The following MARCHF4 variants were observed in gnomAD, a reference collection of about 807,000 sequenced individuals.
The protein encoded by MARCHF4 is E3 ubiquitin-protein ligase MARCHF4.
In MARCHF4, 14 loss-of-function variants were observed where a neutral mutation model predicts 43.9. That is an observed-to-expected ratio of 0.32 (90% confidence interval 0.21 to 0.50). MARCHF4 has a LOEUF of 0.50. Ranked by LOEUF, MARCHF4 falls within the 20% of genes least tolerant of loss-of-function variation. The pLI is 0.98. For synonymous variants in MARCHF4, 226 were observed against 213.3 expected (o/e 1.06, Z -0.52); for missense variants, 468 against 536.7 (o/e 0.87, Z 1.27).
rs773915857 is a variant in MARCHF4 at position 216,277,662 on chromosome 2, C to T, written c.865+10G>A. The T allele has an allele frequency of 1.3e-6, 2 of 1,592,008 alleles. No homozygotes were observed. Among genetic ancestry groups the T allele is most frequent in the Admixed American group, 1.7e-5 (1 of 59,398 alleles). ...CCCCACTTCCCATGGAGACAAACCC[C>T]CAGACCCACCTATGCACACCACGTC... On this transcript the variant is annotated intron_variant, in intron 3 of 3. Transcript: ENST00000273067.
intron 1 of MARCHF4, among the ~76,000 whole-genome samples, chr2:216,297,843 A>G (rs1353197068): frequency 6.6e-6 from 1 of 152,188 alleles, no homozygotes; most frequent in Non-Finnish European, 1.5e-5. Context: ...TTGGTTGAGC[A>G]CTGACTCTTA....
intron 1 of MARCHF4, among the ~76,000 whole-genome samples, chr2:216,293,337 G>A (rs1691340502): frequency 6.6e-6 from 1 of 152,018 alleles, no homozygotes; most frequent in Admixed American, 6.6e-5. Context: ...AGGAAATAAG[G>A]CATTGTTGCA....
At chr2:216,262,063 T>C (rs1391775263) in intron 3 of MARCHF4, among the ~76,000 whole-genome samples, 1 of 152,214 alleles carries the variant, frequency 6.6e-6, no homozygotes, top group Non-Finnish European at 1.5e-5. Flanking sequence ...AATCAGGTAG[T>C]TCTCATCCAA....
At chr2:216,310,096 A>T (rs1559095791) in intron 1 of MARCHF4, among the ~76,000 whole-genome samples, 1 of 13,318 alleles carries the variant, frequency 7.5e-5, no homozygotes, top group Non-Finnish European at 1.3e-4. Flanking sequence ...CTGGGCCTAG[A>T]TGAGACCCTG....
chr2:216,302,249 C>T (rs1267323959), intron 1 of MARCHF4, among the ~76,000 whole-genome samples: 7 of 151,982 alleles, frequency 4.6e-5, no homozygotes, highest in South Asian at 4.1e-4. Flanking sequence ...GACGGAGTCT[C>T]GCTCTGTCAC....
intron 1 of MARCHF4, among the ~76,000 whole-genome samples, chr2:216,361,012 G>C (rs1559107876): frequency 6.6e-6 from 1 of 151,976 alleles, no homozygotes. Context: ...GGGTTGCAGG[G>C]AGTACATGGG....
At chr2:216,368,984 G>A (rs1453652732) in intron 1 of MARCHF4, among the ~76,000 whole-genome samples, 4 of 152,200 alleles carry the variant, frequency 2.6e-5, no homozygotes, top group African/African-American at 9.7e-5. Flanking sequence ...CCCTATCCTG[G>A]ATGGGGAGCA....
intron 1 of MARCHF4, among the ~76,000 whole-genome samples, chr2:216,327,841 G>T (rs1225061215): frequency 6.6e-6 from 1 of 151,912 alleles, no homozygotes; most frequent in Non-Finnish European, 1.5e-5. Context: ...TGTTCTACAG[G>T]TGTGAAACCA....
At chr2:216,352,529 G>T (rs982027115) in intron 1 of MARCHF4, among the ~76,000 whole-genome samples, 1 of 151,928 alleles carries the variant, frequency 6.6e-6, no homozygotes, top group Non-Finnish European at 1.5e-5. Context: ...TTTTGTTGTT[G>T]TTTTTTTAAT....
chr2:216,352,502 C>T (rs1692417773), intron 1 of MARCHF4, among the ~76,000 whole-genome samples: 1 of 152,152 alleles, frequency 6.6e-6, no homozygotes, highest in Non-Finnish European at 1.5e-5. Context: ...TCTTTCCTCT[C>T]TCTGAGCTTT....
chr2:216,340,279 G>C, intron 1 of MARCHF4, among the ~76,000 whole-genome samples: 1 of 152,144 alleles, frequency 6.6e-6, no homozygotes, highest in Non-Finnish European at 1.5e-5. Flanking sequence ...GGAGGGAGTG[G>C]GGGTGGAATT....
intron 1 of MARCHF4, among the ~76,000 whole-genome samples, chr2:216,325,268 A>G (rs947631853): frequency 6.6e-6 from 1 of 152,180 alleles, no homozygotes; most frequent in Admixed American, 6.5e-5. Context: ...GGGATGTGAA[A>G]GACCTCTTCA....
At chr2:216,267,534 AG>A (rs1339662796) in intron 3 of MARCHF4, among the ~76,000 whole-genome samples, 1 of 152,194 alleles carries the variant, frequency 6.6e-6, no homozygotes, top group Admixed American at 6.5e-5. Flanking sequence ...CCTACTGCTC[AG>A]GAACTTCTAT....
chr2:216,361,468 G>C (rs1692577997), intron 1 of MARCHF4, among the ~76,000 whole-genome samples: 1 of 152,166 alleles, frequency 6.6e-6, no homozygotes, highest in Admixed American at 6.5e-5. Flanking sequence ...CTGCATGCTT[G>C]TCTGCATGCA....
intron 1 of MARCHF4, among the ~76,000 whole-genome samples, chr2:216,337,979 A>G (rs1325324358): frequency 6.6e-6 from 1 of 152,218 alleles, no homozygotes; most frequent in African/African-American, 2.4e-5. Context: ...GTGGAAAAAC[A>G]CACTCATAAA....
chr2:216,308,416 GAA>G (rs1282228115), intron 1 of MARCHF4, among the ~76,000 whole-genome samples: 1 of 152,128 alleles, frequency 6.6e-6, no homozygotes. Flanking sequence ...AAAGAGAAAA[GAA>G]AAAAAGTCAG....
chr2:216,307,245 C>T (rs1328176923), intron 1 of MARCHF4, among the ~76,000 whole-genome samples: 1 of 152,064 alleles, frequency 6.6e-6, no homozygotes, highest in Non-Finnish European at 1.5e-5. Context: ...CACAGGGGCT[C>T]AACCGCTGGC....
chr2:216,361,175 A>G (rs1187715910), intron 1 of MARCHF4, among the ~76,000 whole-genome samples: 1 of 152,250 alleles, frequency 6.6e-6, no homozygotes, highest in Non-Finnish European at 1.5e-5. Flanking sequence ...CTCTGAGTCT[A>G]ATGCCTTCTT....
intron 1 of MARCHF4, among the ~76,000 whole-genome samples, chr2:216,314,807 A>G (rs542630844): frequency 6.6e-6 from 1 of 152,320 alleles, no homozygotes; most frequent in East Asian, 1.9e-4. Flanking sequence ...AAGGAAGATC[A>G]TTCCAGGCAG....
Sources: gnomAD v4.1 joint callset for allele counts (sites outside exome capture counted in the v4.1 genomes callset) on GRCh38, gnomAD v4.1.1 for gene constraint, MANE v1.5 for transcripts, NCBI Gene and HGNC (gene_info 2026-07-23, HGNC 2026-07-21) for gene names.